Variants in SCP2 observed in about 807,000 individuals in gnomAD.
SCP2 encodes the protein sterol carrier protein 2.
A neutral mutation model predicts 71.4 loss-of-function variants in SCP2; 48 were observed. That is an observed-to-expected ratio of 0.67 (90% CI 0.53 to 0.86). The LOEUF is 0.86. SCP2 is among the 40% of genes least tolerant of loss of function. The probability of loss-of-function intolerance (pLI) is 0.00; values close to 1 mark genes in which losing one functional copy is unlikely to be tolerated. For synonymous variants in SCP2, 220 were observed against 218.1 expected, an observed-to-expected ratio of 1.01 and a Z score of -0.08; for missense variants, 560 against 655.6, an observed-to-expected ratio of 0.85 and a Z score of 1.59.
intron 5 of SCP2, among the ~76,000 whole-genome samples, chr1:52,961,116 T>C (rs1346468681): frequency 6.7e-6 from 1 of 148,390 alleles, no homozygotes; most frequent in African/African-American, 2.5e-5. Context: ...CTAGGGTACA[T>C]GTGCACAACG....
intron 2 of SCP2, among the ~76,000 whole-genome samples, chr1:52,946,470 C>T (rs563593583): frequency 3.9e-5 from 6 of 152,198 alleles, no homozygotes; most frequent in African/African-American, 1.4e-4. Flanking sequence ...CCCACTTCAG[C>T]CTCCTAAAGT....
intron 1 of SCP2, among the ~76,000 whole-genome samples, chr1:52,927,854 G>A (rs1184120754): frequency 6.6e-6 from 1 of 152,182 alleles, no homozygotes; most frequent in African/African-American, 2.4e-5. Context: ...AGCTCCAGAT[G>A]TGGATGGCGA....
chr1:52,971,014 T>C (rs138379013), intron 6 of SCP2, among the ~76,000 whole-genome samples: 3,520 of 144,112 alleles, frequency 0.024, 132 homozygotes, highest in East Asian at 0.18. Context: ...CTCAGTCTGT[T>C]GCCCAGGCTG....
chr1:52,997,131 A>G (rs183971142), intron 11 of SCP2, among the ~76,000 whole-genome samples: 24 of 152,340 alleles, frequency 1.6e-4, no homozygotes, highest in Middle Eastern at 3.4e-3. Context: ...CCAGATGTCT[A>G]TCATCAACTG....
chr1:52,979,273 G>A (rs1658255822), intron 9 of SCP2, among the ~76,000 whole-genome samples: 1 of 151,856 alleles, frequency 6.6e-6, no homozygotes, highest in Admixed American at 6.6e-5. Context: ...CTAGTCTCAA[G>A]CAATCCTCCC....
intron 11 of SCP2, among the ~76,000 whole-genome samples, chr1:52,988,445 T>C (rs1310963182): frequency 6.6e-6 from 1 of 152,224 alleles, no homozygotes; most frequent in East Asian, 1.9e-4. Flanking sequence ...GTATACATGG[T>C]TGACATTGCA....
intron 1 of SCP2, among the ~76,000 whole-genome samples, chr1:52,934,387 A>C (rs1653465511): frequency 6.6e-6 from 1 of 151,948 alleles, no homozygotes; most frequent in Non-Finnish European, 1.5e-5. Context: ...ATAAAGTCAA[A>C]ATTTGAAAGG....
chr1:52,970,565 C>G (rs150124431), intron 6 of SCP2, among the ~76,000 whole-genome samples: 1 of 151,938 alleles, frequency 6.6e-6, no homozygotes, highest in Non-Finnish European at 1.5e-5. Context: ...AGAACTTATA[C>G]CTTTAAGATT....
intron 13 of SCP2, 32 bp downstream of exon 13, chr1:53,028,103 A>G: frequency 8.1e-7 from 1 of 1,242,030 alleles, no homozygotes; most frequent in Non-Finnish European, 1.2e-6. Flanking sequence ...GCCAGGAAGG[A>G]CCTTGAGGCT....
intron 2 of SCP2, 77 bp downstream of exon 2, chr1:52,941,930 C>T (rs1654288086): frequency 1.9e-6 from 2 of 1,060,770 alleles, no homozygotes; most frequent in South Asian, 2.5e-5. Flanking sequence ...ATGGGGCAGC[C>T]TTGCAAGCAC....
intron 14 of SCP2, among the ~76,000 whole-genome samples, chr1:53,040,735 TCTTACCCCCATTACTATTCCCTATTGCC>T (rs1305555786): frequency 1.3e-5 from 2 of 151,800 alleles, no homozygotes; most frequent in Non-Finnish European, 2.9e-5. Context: ...AAAACAAAAA[TCTTACCCCCATTACTATTCCCTATTGCC>T]TTTTTCTGCC....
intron 9 of SCP2, 150 bp downstream of exon 9, chr1:52,978,517 T>C: frequency 1.5e-6 from 1 of 684,966 alleles, no homozygotes; most frequent in East Asian, 2.7e-5. Context: ...AGAACTCCAA[T>C]CTTACAGAGT....
At chr1:52,977,824 G>A (rs367901905) in intron 8 of SCP2, among the ~76,000 whole-genome samples, 1 of 152,160 alleles carries the variant, frequency 6.6e-6, no homozygotes, top group Middle Eastern at 3.2e-3. Context: ...GCCAGGCGTG[G>A]TAGCGCATGC....
At position 52,980,614 on chromosome 1, in the gene SCP2, A is replaced by G. The variant is rs557886426; in HGVS notation, c.973+71A>G. 90 of 1,390,682 alleles carry G rather than the reference A, an allele frequency of 6.5e-5. No homozygotes were observed. The African/African-American group carries it at 1.1e-3, about 18-fold the overall frequency. 86.1% of individuals were successfully genotyped at this position (1,390,682 alleles called of 1,614,324 possible). On this transcript the variant is annotated intron_variant, in intron 10 of 15. Transcript: ENST00000371514. ...GAAAACTTCACTTTGACCGTTAGAT[A>G]AAAGAATTCACTATTCACTTTTCCC...
intron 3 of SCP2, among the ~76,000 whole-genome samples, chr1:52,950,352 C>A (rs1655179338): frequency 6.6e-6 from 1 of 152,170 alleles, no homozygotes; most frequent in South Asian, 2.1e-4. Flanking sequence ...GACCTCCTGA[C>A]CGCGTGATCT....
intron 10 of SCP2, among the ~76,000 whole-genome samples, chr1:52,986,619 T>C (rs1287014322): frequency 6.6e-6 from 1 of 152,236 alleles, no homozygotes; most frequent in Non-Finnish European, 1.5e-5. Context: ...CCAGGCTCCC[T>C]GAGTATTAAT....
At chr1:52,975,413 C>T (rs1043731984) in intron 7 of SCP2, among the ~76,000 whole-genome samples, 1 of 152,000 alleles carries the variant, frequency 6.6e-6, no homozygotes, top group Non-Finnish European at 1.5e-5. Context: ...ACTTTGACCT[C>T]GTGATCCACC....
intron 11 of SCP2, among the ~76,000 whole-genome samples, chr1:52,999,676 C>T (rs1357281228): frequency 2.0e-5 from 3 of 152,104 alleles, no homozygotes; most frequent in African/African-American, 7.2e-5. Flanking sequence ...AGGAAAATTA[C>T]ATTAAACTTG....
At chr1:52,971,720 T>A (rs1657512913) in intron 6 of SCP2, among the ~76,000 whole-genome samples, 2 of 152,190 alleles carry the variant, frequency 1.3e-5, no homozygotes, top group Non-Finnish European at 2.9e-5. Flanking sequence ...TCCATCTAGG[T>A]TCTTCTTGGC....
Sources: gnomAD v4.1 joint callset for allele counts (sites outside exome capture counted in the v4.1 genomes callset) on GRCh38, gnomAD v4.1.1 for gene constraint, MANE v1.5 for transcripts, NCBI Gene and HGNC (gene_info 2026-07-23, HGNC 2026-07-21) for gene names.